Variants in BRINP1 observed in about 807,000 individuals in gnomAD.
The protein encoded by BRINP1 is BMP/retinoic acid-inducible neural-specific protein 1.
A neutral mutation model predicts 72.9 loss-of-function variants in BRINP1; 17 were observed. The observed-to-expected ratio is 0.23, with a 90% CI of 0.16 to 0.35. The LOEUF is 0.35. BRINP1 is among the 10% of genes least tolerant of loss of function. The probability of loss-of-function intolerance (pLI) is 1.00; values close to 1 mark genes in which losing one functional copy is unlikely to be tolerated. For missense variants in BRINP1, 850 were observed against 1,001.6 expected (o/e 0.85, Z 2.04); for synonymous variants, 418 against 378.5 (o/e 1.10, Z -1.21).
At chr9:119,223,722 T>G (rs1855075) in intron 5 of BRINP1, among the ~76,000 whole-genome samples, 7,722 of 152,100 alleles carry the variant, frequency 0.051, 649 homozygotes, top group African/African-American at 0.18. Context: ...GCATGCCCCA[T>G]CTCTACAGCC....
In BRINP1 at chr9:119,227,062, C is replaced by A. The variant is rs537423193; in HGVS notation, c.685+11593G>T. ...TCATGTAAAGAAATGAGCTCTATAC[C>A]TGGCACATGATAATTATTCACAAAT... On this transcript the variant is annotated intron_variant, in intron 5 of 7. Transcript: ENST00000265922. Among the ~76,000 whole-genome samples, 3 of 152,086 alleles carry A rather than the reference C, an allele frequency of 2.0e-5. No homozygotes were observed. The East Asian group carries it at 5.8e-4, about 29-fold the overall frequency.
At chr9:119,227,750 A>G (rs967560634) in intron 5 of BRINP1, among the ~76,000 whole-genome samples, 39 of 152,022 alleles carry the variant, frequency 2.6e-4, no homozygotes, top group Non-Finnish European at 2.4e-4. Context: ...CTGAGGTTAC[A>G]AGTCCACATA....
intron 1 of BRINP1, among the ~76,000 whole-genome samples, chr9:119,325,368 CTG>C (rs766105721): frequency 2.0e-5 from 3 of 152,256 alleles, no homozygotes; most frequent in Non-Finnish European, 2.9e-5. Context: ...CAAATCATGC[CTG>C]TGAGAAGCTT....
intron 4 of BRINP1, among the ~76,000 whole-genome samples, chr9:119,239,927 G>A (rs943228058): frequency 6.6e-6 from 1 of 151,978 alleles, no homozygotes; most frequent in African/African-American, 2.4e-5. Context: ...CCTCTGCTGG[G>A]GAGAATGGTG....
chr9:119,219,697 A>AGAGAGAGAGAGAG (rs1830019199), intron 5 of BRINP1, among the ~76,000 whole-genome samples: 11 of 96,400 alleles, frequency 1.1e-4, no homozygotes, highest in African/African-American at 3.9e-4. Context: ...GAGAGAGAGA[A>AGAGAGAGAGAGAG]AGAGATGTAA....
At chr9:119,303,767 C>T (rs948006911) in intron 2 of BRINP1, among the ~76,000 whole-genome samples, 8 of 152,162 alleles carry the variant, frequency 5.3e-5, no homozygotes, top group Non-Finnish European at 8.8e-5. Flanking sequence ...TCCAGTAAGA[C>T]ATCTCAGAGT....
In BRINP1 at chr9:119,166,714, A is replaced by ATATC. The variant is rs1465210575; in HGVS notation, c.*366_*369dup. ...TGGCAGTGTCAGTTGTACATTACAT[A>ATATC]TATCTCTCTTTCTTTTTAGTGTTTA... On this transcript the variant is annotated 3_prime_UTR_variant, in exon 8 of 8. Transcript: ENST00000265922. 6.4e-5 allele frequency: 11 copies of ATATC among 172,580 alleles called. No homozygotes were observed. Among genetic ancestry groups the ATATC allele is most frequent in the East Asian group, 5.2e-4 (3 of 5,824 alleles). 10.7% of individuals were successfully genotyped at this position (172,580 alleles called of 1,614,324 possible).
chr9:119,336,665 T>G (rs1297485225), intron 1 of BRINP1, among the ~76,000 whole-genome samples: 1 of 152,134 alleles, frequency 6.6e-6, no homozygotes, highest in African/African-American at 2.4e-5. Flanking sequence ...TTCACTGAAC[T>G]GACGCTGCCA....
intron 7 of BRINP1, among the ~76,000 whole-genome samples, chr9:119,199,618 G>A (rs7018536): frequency 0.1 from 15,925 of 152,014 alleles, 1,655 homozygotes; most frequent in African/African-American, 0.27. Context: ...TCTACTGTCT[G>A]CCCTCAAGTT....
At chr9:119,206,181 T>A (rs567060360) in intron 7 of BRINP1, among the ~76,000 whole-genome samples, 4 of 152,014 alleles carry the variant, frequency 2.6e-5, no homozygotes, top group African/African-American at 7.2e-5. Flanking sequence ...TTTGGGAGGC[T>A]GAGGTGGGTG....
At chr9:119,301,744 G>A (rs1317073412) in intron 2 of BRINP1, among the ~76,000 whole-genome samples, 2 of 152,140 alleles carry the variant, frequency 1.3e-5, no homozygotes, top group Non-Finnish European at 2.9e-5. Flanking sequence ...TGAGAACTAG[G>A]TAAAGGGTAC....
intron 7 of BRINP1, among the ~76,000 whole-genome samples, chr9:119,173,215 C>T (rs1210413812): frequency 6.6e-5 from 10 of 151,124 alleles, no homozygotes; most frequent in Admixed American, 4.0e-4. Context: ...GATGACATGA[C>T]TGTATATCTA....
intron 7 of BRINP1, among the ~76,000 whole-genome samples, chr9:119,191,749 T>C (rs1053973612): frequency 2.0e-5 from 3 of 151,736 alleles, no homozygotes; most frequent in African/African-American, 4.8e-5. Flanking sequence ...TTCACAGAAA[T>C]AGAAAAAGTA....
At chr9:119,363,998 C>G (rs922820061) in intron 1 of BRINP1, among the ~76,000 whole-genome samples, 3 of 147,876 alleles carry the variant, frequency 2.0e-5, no homozygotes, top group Non-Finnish European at 4.5e-5. Flanking sequence ...AATCCTCACT[C>G]AATTTCAGGT....
chr9:119,182,954 A>G (rs893177058), intron 7 of BRINP1, among the ~76,000 whole-genome samples: 1 of 152,226 alleles, frequency 6.6e-6, no homozygotes, highest in Non-Finnish European at 1.5e-5. Flanking sequence ...TAAACTGGCA[A>G]TGATATATTA....
intron 7 of BRINP1, among the ~76,000 whole-genome samples, chr9:119,193,523 G>T (rs369424912): frequency 1.1e-4 from 17 of 152,036 alleles, no homozygotes; most frequent in African/African-American, 3.9e-4. Flanking sequence ...ACAGCATTGG[G>T]GATTGCTGTT....
At chr9:119,345,694 A>G (rs1020042387) in intron 1 of BRINP1, among the ~76,000 whole-genome samples, 1 of 152,182 alleles carries the variant, frequency 6.6e-6, no homozygotes, top group Non-Finnish European at 1.5e-5. Context: ...CTCAACTAGT[A>G]AGTAGCAGAG....
chr9:119,182,304 AATTG>A (rs1416642378), intron 7 of BRINP1, among the ~76,000 whole-genome samples: 2 of 152,210 alleles, frequency 1.3e-5, no homozygotes, highest in Non-Finnish European at 2.9e-5. Flanking sequence ...AAAAGAAGAT[AATTG>A]ATTAACAGGA....
At chr9:119,323,439 T>A (rs559198119) in intron 1 of BRINP1, among the ~76,000 whole-genome samples, 129 of 152,200 alleles carry the variant, frequency 8.5e-4, no homozygotes, top group Non-Finnish European at 1.6e-3. Context: ...TGGGTGAGGT[T>A]GCTTTCAATC....
Sources: gnomAD v4.1 joint callset for allele counts (sites outside exome capture counted in the v4.1 genomes callset) on GRCh38, gnomAD v4.1.1 for gene constraint, MANE v1.5 for transcripts, NCBI Gene and HGNC (gene_info 2026-07-23, HGNC 2026-07-21) for gene names.